COL6A6: variants seen among roughly 807,000 people sequenced by gnomAD.
COL6A6 encodes the protein collagen type VI alpha 6 chain.
A neutral mutation model predicts 208.6 loss-of-function variants in COL6A6; 183 were observed. That is an observed-to-expected ratio of 0.88 (90% CI 0.78 to 0.99). The LOEUF is 0.99. Ranked by LOEUF, COL6A6 falls within the 50% of genes least tolerant of loss-of-function variation. COL6A6 has a pLI of 0.00. For synonymous variants in COL6A6, 973 were observed against 1,011.8 expected, an observed-to-expected ratio of 0.96 and a Z score of 0.73; for missense variants, 2,816 against 2,815.2, an observed-to-expected ratio of 1.00 and a Z score of -0.01.
intron 33 of COL6A6, among the ~76,000 whole-genome samples, chr3:130,656,016 G>A (rs1343549555): frequency 1.3e-5 from 2 of 152,218 alleles, no homozygotes; most frequent in Non-Finnish European, 2.9e-5. Flanking sequence ...TTCCACAGCT[G>A]GCACTGGGGA....
rs2066366416 is a variant in COL6A6 at position 130,676,679 on chromosome 3, C to T, written c.*1282C>T. On this transcript the variant is annotated 3_prime_UTR_variant, in exon 37 of 37. Transcript: ENST00000358511. ...CATAAAATTTGGAAAGAAAAACTAT[C>T]TGCAGTATTTTTTTAAAACGACTTC... The T allele has an allele frequency of 6.6e-6, 1 of 152,208 alleles. No homozygotes were observed. The highest frequency in any genetic ancestry group is 6.5e-5 in the Admixed American group (1 of 15,278). The allele number at this position is 152,208 out of a possible 1,614,324, so 9.4% of individuals were successfully genotyped here.
intron 13 of COL6A6, among the ~76,000 whole-genome samples, chr3:130,591,775 A>G (rs975154191): frequency 2.2e-4 from 34 of 152,334 alleles, no homozygotes; most frequent in Middle Eastern, 3.4e-3. Flanking sequence ...GTATAGAGAC[A>G]TGCAAAGGAG....
rs112905072 is a variant in COL6A6, at chr3:130,545,547, G to A, written c.-31-14787G>A. ...CGGCTCACTGCAACCTCCGCCTCCC[G>A]GATTCAAGTGATTCTCCTGCCTCAG... On this transcript the variant is annotated intron_variant, in intron 1 of 36. Transcript: ENST00000358511. 8.4e-3 allele frequency among the ~76,000 whole-genome samples: 1,269 copies of A among 151,170 alleles called. 10 individuals carry two copies. Among genetic ancestry groups the A allele is most frequent in the Middle Eastern group, 0.027 (8 of 294 alleles).
At chr3:130,647,250 G>A (rs1179402262) in intron 32 of COL6A6, among the ~76,000 whole-genome samples, 1 of 152,126 alleles carries the variant, frequency 6.6e-6, no homozygotes, top group Non-Finnish European at 1.5e-5. Flanking sequence ...TTTAGGGCTT[G>A]TGTTTTGGAA....
chr3:130,625,647 G>A (rs910288429), intron 24 of COL6A6, among the ~76,000 whole-genome samples: 1 of 152,182 alleles, frequency 6.6e-6, no homozygotes, highest in Admixed American at 6.5e-5. Flanking sequence ...CAAAAAGTCT[G>A]AGAAACTGTC....
intron 22 of COL6A6, among the ~76,000 whole-genome samples, chr3:130,609,414 A>C (rs1240100466): frequency 6.6e-6 from 1 of 152,110 alleles, no homozygotes; most frequent in East Asian, 1.9e-4. Flanking sequence ...GCAGTGCAGC[A>C]CTCAGCCTGC....
intron 20 of COL6A6, 102 bp from the exon 21 acceptor site, chr3:130,606,829 T>A (rs1263262202): frequency 2.5e-6 from 2 of 794,208 alleles, no homozygotes; most frequent in East Asian, 5.5e-5. Context: ...ATGTGGGAAT[T>A]GTTATGTATG....
At chr3:130,635,907 A>AGGAAGAGGC in intron 28 of COL6A6, 146 bp downstream of exon 28, 1 of 630,968 alleles carries the variant, frequency 1.6e-6, no homozygotes. Context: ...GGGGAAGGGG[A>AGGAAGAGGC]ATGGATAGTC....
intron 1 of COL6A6, among the ~76,000 whole-genome samples, chr3:130,528,116 C>A (rs2062003026): frequency 6.6e-6 from 1 of 152,040 alleles, no homozygotes; most frequent in African/African-American, 2.4e-5. Context: ...GATGCTATGA[C>A]AGAAAAATCT....
intron 24 of COL6A6, among the ~76,000 whole-genome samples, chr3:130,624,505 T>A (rs1361142792): frequency 6.6e-6 from 1 of 152,182 alleles, no homozygotes; most frequent in Admixed American, 6.5e-5. Flanking sequence ...TAGCAATATA[T>A]GGCATGTAAT....
chr3:130,546,463 A>G (rs2062500411), intron 1 of COL6A6, among the ~76,000 whole-genome samples: 1 of 152,220 alleles, frequency 6.6e-6, no homozygotes, highest in Non-Finnish European at 1.5e-5. Flanking sequence ...TATTGCAAAG[A>G]ACAAAAGAAC....
chr3:130,548,751 G>A (rs2062578150), intron 1 of COL6A6, among the ~76,000 whole-genome samples: 1 of 152,206 alleles, frequency 6.6e-6, no homozygotes, highest in South Asian at 2.1e-4. Flanking sequence ...TACACTCTAA[G>A]TCTCCTGCAG....
At chr3:130,544,854 C>T (rs976776929) in intron 1 of COL6A6, among the ~76,000 whole-genome samples, 2 of 152,062 alleles carry the variant, frequency 1.3e-5, no homozygotes, top group African/African-American at 4.8e-5. Context: ...CTGTTCCGGT[C>T]CTTTACCCAT....
intron 17 of COL6A6, 71 bp downstream of exon 17, chr3:130,593,323 C>A: frequency 8.5e-7 from 1 of 1,181,936 alleles, no homozygotes; most frequent in Non-Finnish European, 1.3e-6. Flanking sequence ...GAGTAGAATA[C>A]TCAGTCAGCT....
intron 2 of COL6A6, among the ~76,000 whole-genome samples, chr3:130,561,942 G>A (rs544168730): frequency 2.1e-4 from 32 of 152,270 alleles, no homozygotes; most frequent in African/African-American, 7.0e-4. Flanking sequence ...GTGAGCCACC[G>A]CGCCCGGCTG....
At chr3:130,657,337 G>T (rs1404584066) in intron 33 of COL6A6, among the ~76,000 whole-genome samples, 1 of 152,250 alleles carries the variant, frequency 6.6e-6, no homozygotes, top group Non-Finnish European at 1.5e-5. Flanking sequence ...GGCCACTCCA[G>T]ATGGGCCACC....
rs1369737876 is a variant in COL6A6 at position 130,525,173 on chromosome 3, C to G, written c.-32+7776C>G. The stretch of plus-strand genomic sequence containing the variant: ...TTCTGGATGTGGTTAAAACTCAGAC[C>G]TTGATACTGCTATCTGTATATTCTG... On this transcript the variant is annotated intron_variant, in intron 1 of 36. Transcript: ENST00000358511. 3.3e-5 allele frequency among the ~76,000 whole-genome samples: 5 copies of G among 150,470 alleles called. No individual in the cohort carries two copies. In the East Asian group the frequency reaches 9.6e-4, roughly 29 times the overall value.
At position 130,615,375 on chromosome 3, in the gene COL6A6, G is replaced by A. The variant is rs553898215; in HGVS notation, c.4815+4664G>A. On this transcript the variant is annotated intron_variant, in intron 23 of 36. Coordinates refer to ENST00000358511, the MANE Select transcript of COL6A6 (RefSeq NM_001102608.3). The stretch of plus-strand genomic sequence containing the variant: ...TTTCTGATTGTGTGGTCAATTTTAT[G>A]GTATATGCCATGTGGCGATGAGAAG... Among the ~76,000 whole-genome samples the A allele has an allele frequency of 3.3e-5, 5 of 152,126 alleles. No individual in the cohort carries two copies. In the East Asian group the frequency reaches 9.7e-4, roughly 29 times the overall value.
chr3:130,608,784 T>A (rs2064263796), intron 21 of COL6A6, 118 bp from the exon 22 acceptor site: 1 of 298,944 alleles, frequency 3.3e-6, no homozygotes, highest in African/African-American at 2.3e-5. Context: ...TTTTTTTTTT[T>A]TTTTTTGCAA....
Sources: gnomAD v4.1 joint callset for allele counts (sites outside exome capture counted in the v4.1 genomes callset) on GRCh38, gnomAD v4.1.1 for gene constraint, MANE v1.5 for transcripts, NCBI Gene and HGNC (gene_info 2026-07-23, HGNC 2026-07-21) for gene names.